Variants in CNIH3 observed in about 807,000 individuals in gnomAD.
The protein encoded by CNIH3 is protein cornichon homolog 3.
Under a neutral mutation model 24.1 loss-of-function variants are expected in CNIH3, and 14 were observed. That is an observed-to-expected ratio of 0.58 (90% CI 0.38 to 0.91). The LOEUF is 0.91. Ranked by LOEUF, CNIH3 falls within the 40% of genes least tolerant of loss-of-function variation. The pLI is 0.00. For synonymous variants in CNIH3, 68 were observed against 73.8 expected, an observed-to-expected ratio of 0.92 and a Z score of 0.40; for missense variants, 178 against 196.8, an observed-to-expected ratio of 0.90 and a Z score of 0.57.
chr1:224,549,103 A>G (rs1679815836), intron 3 of CNIH3, among the ~76,000 whole-genome samples: 1 of 152,144 alleles, frequency 6.6e-6, no homozygotes, highest in Non-Finnish European at 1.5e-5. Context: ...ATTATTACAA[A>G]TATCAGAGCG....
intron 1 of CNIH3, among the ~76,000 whole-genome samples, chr1:224,520,382 C>T (rs1225046932): frequency 6.6e-6 from 1 of 152,256 alleles, no homozygotes; most frequent in African/African-American, 2.4e-5. Context: ...AGAACACTGA[C>T]TTCCATTCTT....
chr1:224,437,707 A>T (rs940049810), intron 1 of CNIH3, among the ~76,000 whole-genome samples: 1 of 152,196 alleles, frequency 6.6e-6, no homozygotes, highest in African/African-American at 2.4e-5. Flanking sequence ...CACTCAAAAG[A>T]GGGGTGATTA....
At chr1:224,709,473 A>C (rs544211689) in intron 3 of CNIH3, among the ~76,000 whole-genome samples, 97 of 152,322 alleles carry the variant, frequency 6.4e-4, no homozygotes, top group African/African-American at 2.1e-3. Flanking sequence ...AGCCAGCTGC[A>C]TGGAAGGGCA....
At chr1:224,571,673 C>T (rs1257599031) in intron 4 of CNIH3, among the ~76,000 whole-genome samples, 3 of 152,136 alleles carry the variant, frequency 2.0e-5, no homozygotes, top group Non-Finnish European at 2.9e-5. Context: ...TGCAGTGAGG[C>T]GAGATCGCAC....
At chr1:224,533,902 C>CG (rs1679179795) in intron 2 of CNIH3, among the ~76,000 whole-genome samples, 2 of 152,180 alleles carry the variant, frequency 1.3e-5, no homozygotes, top group Non-Finnish European at 2.9e-5. Flanking sequence ...CAGTGGCTTG[C>CG]GCTTGTAATC....
At chr1:224,597,965 C>T (rs1162937641) in intron 3 of CNIH3, among the ~76,000 whole-genome samples, 1 of 152,044 alleles carries the variant, frequency 6.6e-6, no homozygotes, top group East Asian at 1.9e-4. Flanking sequence ...TGAAGGACAC[C>T]CAGCGAGAGT....
intron 1 of CNIH3, among the ~76,000 whole-genome samples, chr1:224,480,011 G>A (rs866704455): frequency 6.6e-6 from 1 of 152,170 alleles, no homozygotes. Context: ...TGCCCTAACA[G>A]TGGTTCTCTA....
chr1:224,578,888 A>T (rs1050246547), intron 4 of CNIH3, among the ~76,000 whole-genome samples: 3 of 151,806 alleles, frequency 2.0e-5, no homozygotes, highest in Non-Finnish European at 4.4e-5. Flanking sequence ...TTGTGTTTTC[A>T]TCTGTTGTGC....
chr1:224,531,396 A>G (rs1238130144), intron 2 of CNIH3, among the ~76,000 whole-genome samples: 1 of 152,210 alleles, frequency 6.6e-6, no homozygotes, highest in East Asian at 1.9e-4. Flanking sequence ...TATATAATAC[A>G]GGGGTCTAAG....
chr1:224,520,514 A>G (rs894954694), intron 1 of CNIH3, among the ~76,000 whole-genome samples: 3 of 152,266 alleles, frequency 2.0e-5, no homozygotes, highest in African/African-American at 7.2e-5. Flanking sequence ...AGAGATATGT[A>G]AGAGTTAGAT....
intron 1 of CNIH3, among the ~76,000 whole-genome samples, chr1:224,647,867 T>A (rs968220648): frequency 4.0e-5 from 6 of 151,854 alleles, no homozygotes; most frequent in Non-Finnish European, 8.8e-5. Flanking sequence ...GTGGGCCAGG[T>A]GGCTGGACAG....
Position 224,527,277 on chromosome 1 carries a change from C to T in CNIH3, n.343+5950C>T, listed in dbSNP as rs148983046. Among the ~76,000 whole-genome samples the T allele has an allele frequency of 1.6e-4, 25 of 152,262 alleles. No homozygotes were observed. In the East Asian group the frequency reaches 4.6e-3, roughly 28 times the overall value. ...GCTCTAGCCTGCTGTCAATCCTGTGCCCTACTGACATTGTAAATAACCGCA... is the reference window on the plus strand; with the variant it reads ...GCTCTAGCCTGCTGTCAATCCTGTGTCCTACTGACATTGTAAATAACCGCA... On this transcript the variant is annotated intron_variant and non_coding_transcript_variant, in intron 2 of 2. Transcript: ENST00000470602.
intron 2 of CNIH3, chr1:224,521,513 A>G (rs958974399): frequency 6.6e-6 from 1 of 152,178 alleles, no homozygotes; most frequent in Non-Finnish European, 1.5e-5. Context: ...CCATCATTCC[A>G]GTGTGAGCAC....
chr1:224,693,439 T>C (rs770985892), intron 3 of CNIH3, among the ~76,000 whole-genome samples: 1 of 152,234 alleles, frequency 6.6e-6, no homozygotes, highest in Non-Finnish European at 1.5e-5. Context: ...CCATGGGTCA[T>C]GTGGTCAGTT....
upstream of CNIH3, chr1:224,616,284 G>C (rs1402722933): frequency 5.1e-6 from 1 of 197,232 alleles, no homozygotes; most frequent in East Asian, 1.7e-4. Context: ...GCGCCGAGAG[G>C]AGGGAATCCC....
chr1:224,645,542 A>G (rs564718069), intron 1 of CNIH3, among the ~76,000 whole-genome samples: 11 of 152,084 alleles, frequency 7.2e-5, no homozygotes, highest in African/African-American at 2.2e-4. Flanking sequence ...ACGTGGTGAC[A>G]CTCCCTCTGT....
chr1:224,715,243 C>G (rs1410570747), intron 3 of CNIH3, among the ~76,000 whole-genome samples: 1 of 152,196 alleles, frequency 6.6e-6, no homozygotes, highest in Non-Finnish European at 1.5e-5. Context: ...GTTCAGTCCT[C>G]CTGGCTTTCC....
At chr1:224,445,574 T>TAAAAAAA (rs369951294) in intron 1 of CNIH3, among the ~76,000 whole-genome samples, 2 of 90,414 alleles carry the variant, frequency 2.2e-5, no homozygotes, top group Non-Finnish European at 3.9e-5. Flanking sequence ...GGACTCTGCT[T>TAAAAAAA]AAAAAAAAAA....
intron 1 of CNIH3, among the ~76,000 whole-genome samples, chr1:224,653,264 A>G (rs1337455702): frequency 1.3e-5 from 2 of 152,088 alleles, no homozygotes; most frequent in Non-Finnish European, 2.9e-5. Flanking sequence ...CTCTACTAAA[A>G]ATACAAAATT....
Sources: allele counts gnomAD v4.1 joint callset (sites outside exome capture counted in the v4.1 genomes callset), GRCh38; gene constraint gnomAD v4.1.1; transcripts MANE v1.5; gene names NCBI Gene and HGNC (gene_info 2026-07-23, HGNC 2026-07-21).